ZP3: variants seen among roughly 807,000 people sequenced by gnomAD.
ZP3 encodes zona pellucida sperm-binding protein 3.
A neutral mutation model predicts 35.6 loss-of-function variants in ZP3; 21 were observed. The ratio of observed to expected loss-of-function variants is 0.59; its 90% CI spans 0.42 to 0.85. The LOEUF is 0.85. Among genes scored for constraint, ZP3 ranks in the 40% least tolerant of loss-of-function variants. The pLI is 0.00. For synonymous variants in ZP3, 207 were observed against 214.5 expected (o/e 0.96, Z 0.31); for missense variants, 437 against 536.5 (o/e 0.81, Z 1.83).
chr7:76,416,794 G>GTCTC (rs35844856), intron 1 of ZP3, among the ~76,000 whole-genome samples: 2,667 of 136,016 alleles, frequency 0.02, 26 homozygotes, highest in South Asian at 0.033. Context: ...GCAGGATGCT[G>GTCTC]TCTCTCTCTC....
Position 76,433,642 on chromosome 7 carries a change from C to G in ZP3, c.708C>G (p.Phe236Leu). 1 of 1,604,540 alleles carries G rather than the reference C, an allele frequency of 6.2e-7. No homozygotes were observed. Among genetic ancestry groups the G allele is most frequent in the Non-Finnish European group, 8.5e-7 (1 of 1,173,888 alleles). Residue 236 changes from phenylalanine to leucine, a missense_variant, in exon 4 of 8, where the codon TTC becomes TTG. Transcript: ENST00000394857. ...NASPYHTIVD[F>L]HGCLVDGLTD... ...CCCCTTATCACACCATCGTGGACTT[C>G]CATGGGTGAGCACTGGGCTCCCTGC... is the stretch of plus-strand genomic sequence containing the variant.
At position 76,411,013 on chromosome 7, in the gene ZP3, A is replaced by AAAAG. The variant is rs1554623388; in HGVS notation, c.-67+13219_-67+13220insGAAA. 2.4e-3 allele frequency among the ~76,000 whole-genome samples: 320 copies of AAAAG among 131,138 alleles called. 2 individuals are homozygous for AAAAG. The highest frequency in any genetic ancestry group is 4.0e-3 in the Middle Eastern group (1 of 248). The allele number at this position is 131,138 out of a possible 152,430, so 86.0% of individuals were successfully genotyped here. A position where few individuals can be genotyped will look rare whatever the true frequency, so the allele number is the denominator to read the frequency against. ...CCATCTCAAAAGAAAAAAAAAAAAA[A>AAAAG]AAAAGAAAAGAAAATACTTGATGGA... On this transcript the variant is annotated intron_variant, in intron 1 of 8. Transcript: ENST00000336517.
intron 5 of ZP3, among the ~76,000 whole-genome samples, chr7:76,436,030 C>CTTTTTTTTTTTTTT (rs60553917): frequency 9.4e-5 from 7 of 74,358 alleles, no homozygotes; most frequent in African/African-American, 2.0e-4. Context: ...CCCCCGCCCC[C>CTTTTTTTTTTTTTT]TTTTTTTTTT....
chr7:76,421,231 G>A (rs115350961), upstream of ZP3, among the ~76,000 whole-genome samples: 13,077 of 151,938 alleles, frequency 0.086, 1,087 homozygotes, highest in African/African-American at 0.21. Context: ...ACTGCGCCCC[G>A]CCATTTCCAC....
chr7:76,428,557 C>T (rs370441510), intron 1 of ZP3: 4 of 152,306 alleles, frequency 2.6e-5, no homozygotes, highest in East Asian at 3.9e-4. Context: ...CCCTATTGGA[C>T]GATGCAAATT....
upstream of ZP3, chr7:76,424,852 C>T (rs552926353): frequency 3.5e-5 from 36 of 1,022,708 alleles, no homozygotes; most frequent in African/African-American, 5.6e-4. Context: ...CAACAAGGGC[C>T]CAGCTGGCTA....
At chr7:76,415,758 G>A (rs562677008) in intron 1 of ZP3, among the ~76,000 whole-genome samples, 28 of 151,080 alleles carry the variant, frequency 1.9e-4, no homozygotes, top group Admixed American at 1.6e-3. Flanking sequence ...GCCTCCCAAA[G>A]TGCTGCAATT....
intron 3 of ZP3, 143 bp downstream of exon 3, chr7:76,433,173 T>TTGGTTTTGGTTGGTTTTG (rs1805886476): frequency 4.2e-5 from 6 of 142,290 alleles, no homozygotes; most frequent in Non-Finnish European, 5.7e-5. Flanking sequence ...GGTTGGTTTT[T>TTGGTTTTGGTTGGTTTTG]GAGACAGTCT....
chr7:76,399,844 A>G (rs536495168), intron 1 of ZP3, among the ~76,000 whole-genome samples: 1 of 152,136 alleles, frequency 6.6e-6, no homozygotes, highest in South Asian at 2.1e-4. Flanking sequence ...TTTTAAAACT[A>G]GGAGAGGGGA....
chr7:76,417,762 C>A (rs1369457157), intron 1 of ZP3, among the ~76,000 whole-genome samples: 2 of 151,540 alleles, frequency 1.3e-5, no homozygotes, highest in Non-Finnish European at 2.9e-5. Flanking sequence ...CAGGCACACA[C>A]CACCACACCT....
At chr7:76,421,607 T>C (rs1584051444), upstream of ZP3, among the ~76,000 whole-genome samples, 3 of 132,220 alleles carry the variant, frequency 2.3e-5, no homozygotes, top group South Asian at 7.0e-4. Flanking sequence ...ATATGTATAA[T>C]TTTTTTTTTT....
intron 7 of ZP3, 63 bp from the exon 8 acceptor site, chr7:76,441,779 C>T (rs1319154384): frequency 1.9e-6 from 3 of 1,606,124 alleles, no homozygotes; most frequent in Non-Finnish European, 2.6e-6. Context: ...CAGAATAAAA[C>T]CTCCAACCCA....
intron 1 of ZP3, chr7:76,397,868 A>G (rs1192241318): frequency 4.0e-6 from 6 of 1,485,620 alleles, no homozygotes; most frequent in Admixed American, 4.6e-5. Context: ...CGCATCTCCC[A>G]CTGGCCTCTG....
chr7:76,421,954 C>A (rs574027483), upstream of ZP3, among the ~76,000 whole-genome samples: 1 of 151,690 alleles, frequency 6.6e-6, no homozygotes. Context: ...TGGAGTACAG[C>A]GGCGTGATCT....
At chr7:76,416,715 C>T (rs1446325786) in intron 1 of ZP3, among the ~76,000 whole-genome samples, 2 of 151,718 alleles carry the variant, frequency 1.3e-5, no homozygotes, top group Admixed American at 1.3e-4. Flanking sequence ...GGGAGAGTCG[C>T]TTAAGCCTGC....
chr7:76,441,819 G>GGTTGT, intron 7 of ZP3, 23 bp from the exon 8 acceptor site: 13 of 1,613,858 alleles, frequency 8.1e-6, no homozygotes, highest in Non-Finnish European at 1.1e-5. Flanking sequence ...GATAACCCTT[G>GGTTGT]GTTGTGTGTT....
intron 1 of ZP3, among the ~76,000 whole-genome samples, chr7:76,403,289 C>T (rs1002097338): frequency 2.6e-5 from 4 of 152,032 alleles, no homozygotes; most frequent in Non-Finnish European, 5.9e-5. Flanking sequence ...TTATAACCAC[C>T]CCCTGCAGCC....
intron 1 of ZP3, among the ~76,000 whole-genome samples, chr7:76,400,781 C>G (rs1343193945): frequency 1.3e-5 from 2 of 152,168 alleles, no homozygotes; most frequent in Non-Finnish European, 2.9e-5. Flanking sequence ...GCGCTAGGAT[C>G]ACAGACGTGC....
chr7:76,418,640 A>G (rs1478951274), intron 1 of ZP3, among the ~76,000 whole-genome samples: 1 of 148,860 alleles, frequency 6.7e-6, no homozygotes, highest in East Asian at 2.0e-4. Flanking sequence ...GCAGATCACG[A>G]GGTCAGGCGG....
Sources: gnomAD v4.1 joint callset for allele counts (sites outside exome capture counted in the v4.1 genomes callset) on GRCh38, gnomAD v4.1.1 for gene constraint, MANE v1.5 for transcripts, NCBI Gene and HGNC (gene_info 2026-07-23, HGNC 2026-07-21) for gene names.